Variants in TBC1D19 observed in about 807,000 individuals in gnomAD.
The protein encoded by TBC1D19 is TBC1 domain family, member 19.
TBC1D19 carries 60 observed loss-of-function variants against 89.0 expected under a neutral mutation model. That is an observed-to-expected ratio of 0.67 (90% CI 0.55 to 0.84). TBC1D19 has a LOEUF of 0.84. Among genes scored for constraint, TBC1D19 ranks in the 40% least tolerant of loss-of-function variants. TBC1D19 has a pLI of 0.00. For missense variants in TBC1D19, 500 were observed against 610.8 expected (o/e 0.82, Z 1.91); for synonymous variants, 189 against 199.7 (o/e 0.95, Z 0.45).
chr4:26,645,499 T>G (rs1414473947), intron 7 of TBC1D19, among the ~76,000 whole-genome samples: 1 of 152,184 alleles, frequency 6.6e-6, no homozygotes, highest in African/African-American at 2.4e-5. Flanking sequence ...TATACAAAAG[T>G]TAATTCAAGA....
chr4:26,697,243 A>G (rs1714872267), intron 13 of TBC1D19, among the ~76,000 whole-genome samples: 1 of 152,206 alleles, frequency 6.6e-6, no homozygotes, highest in Non-Finnish European at 1.5e-5. Flanking sequence ...ATGCAAACAA[A>G]CTAGAAAATC....
chr4:26,758,283 T>C (rs1333163691), downstream of TBC1D19, among the ~76,000 whole-genome samples: 4 of 152,210 alleles, frequency 2.6e-5, no homozygotes, highest in East Asian at 7.7e-4. Context: ...ATGTGGAAGA[T>C]GCAAGCAGAA....
intron 1 of TBC1D19, among the ~76,000 whole-genome samples, chr4:26,604,825 G>T (rs1316776840): frequency 1.3e-5 from 2 of 152,056 alleles, no homozygotes; most frequent in Non-Finnish European, 2.9e-5. Flanking sequence ...AGCTTGCAGT[G>T]AGCAGAGATC....
chr4:26,702,128 G>A (rs535252420), intron 13 of TBC1D19, among the ~76,000 whole-genome samples: 1 of 152,288 alleles, frequency 6.6e-6, no homozygotes, highest in African/African-American at 2.4e-5. Context: ...TTTTAAATGA[G>A]AGCAGTAACA....
In TBC1D19 at chr4:26,620,673, C is replaced by T; in HGVS notation, c.279C>T (p.Tyr93=). The T allele has an allele frequency of 1.9e-6, 3 of 1,613,632 alleles. No homozygotes were observed. Among genetic ancestry groups the T allele is most frequent in the Middle Eastern group, 1.7e-4 (1 of 6,058 alleles). ...AACATCTTAAAGAACCTTTGGTATA[C>T]ATGAGGAAAGCACAGGTTGGCTATT... ...PPEHLKEPLV[Y]MRKAQGSWEK... is the part of the protein sequence containing the mutation. The change falls in exon 4 of 21, where the codon TAC becomes TAT. Residue 93 remains tyrosine (Y), a synonymous_variant. Transcript: ENST00000264866.
At chr4:26,739,671 A>G (rs377276998) in intron 16 of TBC1D19, among the ~76,000 whole-genome samples, 193 bp from the exon 17 acceptor site, 3 of 152,112 alleles carry the variant, frequency 2.0e-5, no homozygotes, top group East Asian at 3.8e-4. Flanking sequence ...TTTCTGTATA[A>G]TATTTAATGG....
the TBC1D19 span, among the ~76,000 whole-genome samples, chr4:26,829,076 G>C: frequency 1.3e-5 from 2 of 152,222 alleles, no homozygotes; most frequent in Non-Finnish European, 2.9e-5. Context: ...CTCAAGATTG[G>C]AAGGAAACAT....
At chr4:26,615,110 CT>C (rs1741600127) in intron 3 of TBC1D19, among the ~76,000 whole-genome samples, 1 of 152,088 alleles carries the variant, frequency 6.6e-6, no homozygotes, top group Admixed American at 6.6e-5. Flanking sequence ...GGGTATTACA[CT>C]TTTTTATGTC....
rs1270700750 is a variant in TBC1D19, at chr4:26,590,796, G to T, written c.99+6504G>T. ...GGTTCACTCTTTGTCTTGCAGGTCT[G>T]TTTTTTTTTTTTTTTTTTTTTTTTT... On this transcript the variant is annotated intron_variant, in intron 1 of 20. Coordinates refer to ENST00000264866, the MANE Select transcript of TBC1D19 (RefSeq NM_018317.4). Among the ~76,000 whole-genome samples the T allele has an allele frequency of 1.2e-3, 62 of 52,936 alleles. 1 individual carries two copies. The East Asian group carries it at 0.012, about 10-fold the overall frequency. 34.7% of individuals were successfully genotyped at this position (52,936 alleles called of 152,430 possible). A position where few individuals can be genotyped will look rare whatever the true frequency, so the allele number is the denominator to read the frequency against.
At chr4:26,854,376 C>G in the TBC1D19 span, among the ~76,000 whole-genome samples, 6 of 152,158 alleles carry the variant, frequency 3.9e-5, no homozygotes, top group Non-Finnish European at 8.8e-5. Flanking sequence ...AAAATGCATT[C>G]AATATTTGAT....
chr4:26,827,433 C>T, the TBC1D19 span, among the ~76,000 whole-genome samples: 1 of 152,090 alleles, frequency 6.6e-6, no homozygotes, highest in Non-Finnish European at 1.5e-5. Flanking sequence ...GGAGAAACCT[C>T]GTCTCTACTA....
intron 13 of TBC1D19, among the ~76,000 whole-genome samples, chr4:26,706,602 A>G (rs1715755394): frequency 6.6e-6 from 1 of 151,764 alleles, no homozygotes; most frequent in Non-Finnish European, 1.5e-5. Flanking sequence ...CATTTTTTCC[A>G]GTTCCTGAAG....
At chr4:26,671,144 C>T (rs758843344) in intron 9 of TBC1D19, among the ~76,000 whole-genome samples, 8 of 151,542 alleles carry the variant, frequency 5.3e-5, no homozygotes, top group Non-Finnish European at 1.0e-4. Flanking sequence ...GTGTTTGTAC[C>T]AAGTTCTACT....
chr4:26,841,579 G>A, the TBC1D19 span, among the ~76,000 whole-genome samples: 1 of 152,214 alleles, frequency 6.6e-6, no homozygotes, highest in South Asian at 2.1e-4. Flanking sequence ...GAGGTGTGGT[G>A]CATGCGAGCT....
chr4:26,641,750 G>A (rs532051562), intron 7 of TBC1D19, among the ~76,000 whole-genome samples: 18 of 152,326 alleles, frequency 1.2e-4, no homozygotes, highest in African/African-American at 4.1e-4. Context: ...TGATGGAGCT[G>A]AAAACCATGG....
intron 7 of TBC1D19, among the ~76,000 whole-genome samples, chr4:26,641,152 G>A (rs1452933736): frequency 6.6e-6 from 1 of 152,204 alleles, no homozygotes; most frequent in African/African-American, 2.4e-5. Flanking sequence ...TCCCAGTAGG[G>A]GCTGACTGAC....
At chr4:26,620,487 A>G (rs1479879027) in intron 3 of TBC1D19, 126 bp from the exon 4 acceptor site, 5 of 747,438 alleles carry the variant, frequency 6.7e-6, no homozygotes, top group Non-Finnish European at 1.1e-5. Context: ...CTTAATAAAA[A>G]CAGTACATTT....
At chr4:26,789,795 A>C in the TBC1D19 span, among the ~76,000 whole-genome samples, 4 of 152,222 alleles carry the variant, frequency 2.6e-5, no homozygotes, top group African/African-American at 9.6e-5. Context: ...CAAAGTGTTC[A>C]TCAATGGATG....
chr4:26,682,346 A>T (rs1028621295), intron 11 of TBC1D19, among the ~76,000 whole-genome samples: 2 of 152,254 alleles, frequency 1.3e-5, no homozygotes, highest in African/African-American at 4.8e-5. Flanking sequence ...ATTAAAATTT[A>T]AATGACTAAA....
Sources: allele counts gnomAD v4.1 joint callset (sites outside exome capture counted in the v4.1 genomes callset), GRCh38; gene constraint gnomAD v4.1.1; transcripts MANE v1.5; gene names NCBI Gene and HGNC (gene_info 2026-07-23, HGNC 2026-07-21).